Variants in TMEM132D observed in about 807,000 individuals in gnomAD.
TMEM132D encodes the protein transmembrane protein 132D, also known as mature OL transmembrane protein.
TMEM132D carries 21 observed loss-of-function variants against 62.3 expected under a neutral mutation model. The observed-to-expected ratio is 0.34, with a 90% CI of 0.24 to 0.49. The LOEUF is 0.49. Among genes scored for constraint, TMEM132D ranks in the 20% least tolerant of loss-of-function variants. TMEM132D has a pLI of 0.99. For synonymous variants in TMEM132D, 621 were observed against 575.6 expected (o/e 1.08, Z -1.13); for missense variants, 1,346 against 1,402.8 (o/e 0.96, Z 0.65).
intron 1 of TMEM132D, among the ~76,000 whole-genome samples, chr12:129,783,876 C>T (rs551953943): frequency 1.9e-4 from 29 of 152,294 alleles, no homozygotes; most frequent in African/African-American, 6.3e-4. Context: ...GTCACAAATT[C>T]TATCTGAAAG....
intron 5 of TMEM132D, among the ~76,000 whole-genome samples, chr12:129,166,688 T>TAC (rs199938469): frequency 0.031 from 3,224 of 104,710 alleles, 111 homozygotes; most frequent in African/African-American, 0.084. Flanking sequence ...TATATACACA[T>TAC]ACACACACAC....
At chr12:129,344,774 G>A (rs1869625311) in intron 3 of TMEM132D, among the ~76,000 whole-genome samples, 1 of 152,010 alleles carries the variant, frequency 6.6e-6, no homozygotes, top group Non-Finnish European at 1.5e-5. Context: ...TATTTAACGG[G>A]TCTTAGGGAT....
At chr12:129,838,299 C>T (rs1306015307) in intron 1 of TMEM132D, among the ~76,000 whole-genome samples, 2 of 152,220 alleles carry the variant, frequency 1.3e-5, no homozygotes, top group South Asian at 2.1e-4. Flanking sequence ...GAATAGAAAG[C>T]GTCTTTCCAA....
intron 3 of TMEM132D, among the ~76,000 whole-genome samples, chr12:129,358,652 A>G (rs1352953135): frequency 2.6e-5 from 4 of 152,222 alleles, no homozygotes; most frequent in Non-Finnish European, 5.9e-5. Flanking sequence ...GGCAACTGTA[A>G]GAAAAGAAGA....
intron 3 of TMEM132D, among the ~76,000 whole-genome samples, chr12:129,505,362 C>T (rs1163846419): frequency 6.6e-6 from 1 of 152,054 alleles, no homozygotes; most frequent in Non-Finnish European, 1.5e-5. Context: ...CCTGCCTCAG[C>T]CTCCCAAGTA....
chr12:129,101,487 G>C (rs1875307211), intron 5 of TMEM132D, among the ~76,000 whole-genome samples: 1 of 152,104 alleles, frequency 6.6e-6, no homozygotes. Flanking sequence ...GGAGATGTGA[G>C]CACCAAGCAA....
chr12:129,472,873 GACTT>G, intron 3 of TMEM132D, among the ~76,000 whole-genome samples: 1 of 150,560 alleles, frequency 6.6e-6, no homozygotes, highest in East Asian at 1.9e-4. Flanking sequence ...CTTATTTTAA[GACTT>G]TTTTTTTTTT....
intron 4 of TMEM132D, among the ~76,000 whole-genome samples, chr12:129,286,692 T>G (rs1881306514): frequency 2.0e-5 from 3 of 152,184 alleles, no homozygotes; most frequent in Non-Finnish European, 4.4e-5. Context: ...TCAGAATCCA[T>G]TAAGAGCAAA....
chr12:129,251,527 C>T (rs556890157), intron 4 of TMEM132D, among the ~76,000 whole-genome samples: 28 of 152,226 alleles, frequency 1.8e-4, no homozygotes, highest in African/African-American at 6.3e-4. Flanking sequence ...TCTCGGCATT[C>T]AATTTTATAC....
intron 4 of TMEM132D, among the ~76,000 whole-genome samples, chr12:129,257,899 G>A (rs1056227969): frequency 1.3e-5 from 2 of 152,134 alleles, no homozygotes; most frequent in African/African-American, 4.8e-5. Flanking sequence ...AGCAACACCT[G>A]GTGTCAGAGG....
chr12:129,579,955 G>A lies in TMEM132D; in HGVS notation c.969-48750C>T, dbSNP rs1435568504. On this transcript the variant is annotated intron_variant, in intron 2 of 8. Transcript: ENST00000422113. ...TTATTTGGAAATGTGATCTCAGGGT[G>A]CAGGAGGGAGAGGGACTAGCAAGAG... is the stretch of plus-strand genomic sequence containing the variant. Among the ~76,000 whole-genome samples, 4 of 152,320 alleles carry A rather than the reference G, an allele frequency of 2.6e-5. No homozygotes were observed. The South Asian group carries it at 8.3e-4, about 32-fold the overall frequency.
chr12:129,374,925 G>T (rs1351929100), intron 3 of TMEM132D, among the ~76,000 whole-genome samples: 2 of 152,128 alleles, frequency 1.3e-5, no homozygotes, highest in Non-Finnish European at 2.9e-5. Context: ...GCCATGAGAG[G>T]TGAAATATTT....
At chr12:129,246,781 AT>A (rs1486082774) in intron 4 of TMEM132D, among the ~76,000 whole-genome samples, 3 of 145,650 alleles carry the variant, frequency 2.1e-5, no homozygotes, top group Non-Finnish European at 4.6e-5. Flanking sequence ...AAAAAAAAAG[AT>A]AGAAAGTAGG....
intron 2 of TMEM132D, among the ~76,000 whole-genome samples, chr12:129,680,243 T>C (rs1461020854): frequency 6.6e-6 from 1 of 152,196 alleles, no homozygotes; most frequent in Non-Finnish European, 1.5e-5. Flanking sequence ...TTCCAATTTA[T>C]CTCTCTGTCT....
At chr12:129,881,904 T>C (rs1874608466) in intron 1 of TMEM132D, among the ~76,000 whole-genome samples, 1 of 150,662 alleles carries the variant, frequency 6.6e-6, no homozygotes, top group Non-Finnish European at 1.5e-5. Flanking sequence ...AAAAAAAGAG[T>C]AAAGAAACAT....
chr12:129,818,958 C>T (rs1451405763), intron 1 of TMEM132D, among the ~76,000 whole-genome samples: 1 of 151,998 alleles, frequency 6.6e-6, no homozygotes, highest in African/African-American at 2.4e-5. Flanking sequence ...TTGCTTGAAC[C>T]CAGGAGGTCG....
intron 3 of TMEM132D, among the ~76,000 whole-genome samples, chr12:129,386,160 G>A (rs554084321): frequency 1.2e-4 from 19 of 152,158 alleles, no homozygotes; most frequent in East Asian, 9.6e-4. Flanking sequence ...ACTCTTTAAT[G>A]GAACTGAGAA....
chr12:129,535,793 T>C lies in TMEM132D; in HGVS notation c.969-4588A>G, dbSNP rs1486201460. Among the ~76,000 whole-genome samples the C allele has an allele frequency of 4.6e-5, 7 of 151,576 alleles. 1 individual carries two copies. The highest frequency in any genetic ancestry group is 2.6e-4 in the Admixed American group (4 of 15,204). ...ATTTGTGTGCGTGTGTGTGTGTGTG[T>C]GTGTGTGTGTGTGTGTGTTGTTAGA... On this transcript the variant is annotated intron_variant, in intron 2 of 8. Coordinates refer to ENST00000422113, the MANE Select transcript of TMEM132D (RefSeq NM_133448.3).
At chr12:129,861,135 C>A (rs530996082) in intron 1 of TMEM132D, among the ~76,000 whole-genome samples, 1 of 152,284 alleles carries the variant, frequency 6.6e-6, no homozygotes, top group Non-Finnish European at 1.5e-5. Flanking sequence ...AAATCTGTGA[C>A]CATTCCAGTG....
Sources: gnomAD v4.1 joint callset for allele counts (sites outside exome capture counted in the v4.1 genomes callset) on GRCh38, gnomAD v4.1.1 for gene constraint, MANE v1.5 for transcripts, NCBI Gene and HGNC (gene_info 2026-07-23, HGNC 2026-07-21) for gene names.